WBP2NL: variants seen among roughly 807,000 people sequenced by gnomAD.
The protein encoded by WBP2NL is postacrosomal sheath WW domain-binding protein.
In WBP2NL, 27 loss-of-function variants were observed where a neutral mutation model predicts 23.3. The ratio of observed to expected loss-of-function variants is 1.16; its 90% CI spans 0.85 to 1.60. WBP2NL has a LOEUF of 1.60. WBP2NL is among the 40% of genes most tolerant of loss of function. WBP2NL has a pLI of 0.00. For missense variants in WBP2NL, 370 were observed against 389.5 expected (o/e 0.95, Z 0.42); for synonymous variants, 151 against 145.9 (o/e 1.03, Z -0.25).
intron 4 of WBP2NL, among the ~76,000 whole-genome samples, chr22:42,020,882 A>G (rs1189840242): frequency 2.8e-4 from 8 of 28,324 alleles, no homozygotes; most frequent in African/African-American, 4.1e-4. Flanking sequence ...ATATATATAT[A>G]TATATATATA....
Position 42,008,088 on chromosome 22 carries a change from CTTCCT to C in WBP2NL, c.62+9236_62+9240del, listed in dbSNP as rs572686268. Among the ~76,000 whole-genome samples, 591 of 123,836 alleles carry C rather than the reference CTTCCT, an allele frequency of 4.8e-3. 3 individuals carry two copies. Among genetic ancestry groups the C allele is most frequent in the South Asian group, 7.7e-3 (28 of 3,616 alleles). The allele number at this position is 123,836 out of a possible 152,430, so 81.2% of individuals were successfully genotyped here. Reference sequence around the variant, plus strand: ...TGTTTTTCTTCTCTTCTCTTCTCCTCTTCCTTTCCTTTCCTTTCCTTTCCTTTCCT... The same window carrying C: ...TGTTTTTCTTCTCTTCTCTTCTCCTCTTCCTTTCCTTTCCTTTCCTTTCCT... On this transcript the variant is annotated intron_variant, in intron 1 of 5. Coordinates refer to ENST00000328823, the MANE Select transcript of WBP2NL (RefSeq NM_152613.3).
chr22:42,053,224 T>C, intron 8 of WBP2NL, among the ~76,000 whole-genome samples: 1 of 152,236 alleles, frequency 6.6e-6, no homozygotes, highest in South Asian at 2.1e-4. Context: ...CATTCATCAG[T>C]TGATAGACGT....
At chr22:42,013,027 A>C (rs2146773770) in intron 1 of WBP2NL, among the ~76,000 whole-genome samples, 1 of 150,548 alleles carries the variant, frequency 6.6e-6, no homozygotes, top group African/African-American at 2.4e-5. Context: ...TTTTACTTTT[A>C]GCAGTTTGAA....
rs1921203346 is a variant in WBP2NL, at chr22:41,998,815, C to A, written c.-4C>A. On this transcript the variant is annotated 5_prime_UTR_variant, in exon 1 of 6. Coordinates refer to ENST00000328823, the MANE Select transcript of WBP2NL (RefSeq NM_152613.3). ...CTACGGGGCGGCAGGAGGCCCGAAG[C>A]AAGATGGCGGTGAATCAGAGCCACA... The A allele has an allele frequency of 1.9e-6, 3 of 1,609,266 alleles. No individual in the cohort carries two copies. The African/African-American group carries it at 4.0e-5, about 21-fold the overall frequency.
chr22:42,001,929 A>G, intron 1 of WBP2NL: 16 of 1,448,176 alleles, frequency 1.1e-5, no homozygotes, highest in Non-Finnish European at 1.5e-5. Context: ...TCCACCTGCC[A>G]GGGAGTCCTT....
At chr22:42,032,522 C>T (rs902747433), downstream of WBP2NL, 2 of 251,030 alleles carry the variant, frequency 8.0e-6, no homozygotes, top group Non-Finnish European at 1.7e-5. Flanking sequence ...GTTGACTTGG[C>T]TTTCCTTGCC....
At chr22:42,019,459 C>T (rs1923673697) in intron 2 of WBP2NL, 40 bp downstream of exon 2, 1 of 1,582,270 alleles carries the variant, frequency 6.3e-7, no homozygotes, top group African/African-American at 1.4e-5. Context: ...ATTAACTCTA[C>T]ATTTGTTTTC....
At chr22:42,054,082 G>C (rs1225626219) in intron 8 of WBP2NL, among the ~76,000 whole-genome samples, 4 of 152,098 alleles carry the variant, frequency 2.6e-5, no homozygotes, top group African/African-American at 9.7e-5. Context: ...GTATGCGACT[G>C]TGCGGGGCCT....
chr22:42,053,603 G>A (rs1218758551), intron 8 of WBP2NL, among the ~76,000 whole-genome samples: 5 of 151,972 alleles, frequency 3.3e-5, no homozygotes, highest in Non-Finnish European at 5.9e-5. Flanking sequence ...GGGACTACAG[G>A]TGCATGCCAC....
At chr22:42,014,978 GT>G (rs1355088251) in intron 1 of WBP2NL, among the ~76,000 whole-genome samples, 1 of 152,158 alleles carries the variant, frequency 6.6e-6, no homozygotes, top group African/African-American at 2.4e-5. Flanking sequence ...CTCAGGGACA[GT>G]TTTTATTAAT....
intron 1 of WBP2NL, among the ~76,000 whole-genome samples, chr22:42,013,279 G>A (rs983333431): frequency 8.7e-5 from 13 of 149,638 alleles, no homozygotes; most frequent in African/African-American, 1.2e-4. Context: ...CAAGCTACTC[G>A]GGAGGCTGAG....
Position 42,026,887 on chromosome 22 carries a change from C to A in WBP2NL, c.636C>A (p.Ala212=). ...AAGGCCCGCCTGTGGGATACAGAGC[C>A]TCACCTGTGCGATATGGAGCCCCAC... The part of the protein sequence containing the change: ...GNEGPPVGYR[A]SPVRYGAPPL... Residue 212 remains alanine (A), a synonymous_variant, in exon 6 of 6, where the codon GCC becomes GCA. Transcript: ENST00000328823. The A allele has an allele frequency of 6.2e-7, 1 of 1,613,096 alleles. No individual in the cohort carries two copies. The highest frequency in any genetic ancestry group is 1.1e-5 in the South Asian group (1 of 91,020).
chr22:42,033,789 C>T (rs989254367), downstream of WBP2NL, among the ~76,000 whole-genome samples: 1 of 152,212 alleles, frequency 6.6e-6, no homozygotes, highest in Non-Finnish European at 1.5e-5. Context: ...CCAACATCTG[C>T]TTAGCTCTGG....
In WBP2NL at chr22:42,055,421, C is replaced by T. The variant is rs571420195; in HGVS notation, c.*274-2869C>T. On this transcript the variant is annotated intron_variant and NMD_transcript_variant, in intron 8 of 8. Transcript: ENST00000436265. ...AACTCCCGACCTCAGGTGATCTGCC[C>T]GACTTGGCCTCCCAAAGTGCTGGGA... 3.9e-5 allele frequency among the ~76,000 whole-genome samples: 6 copies of T among 152,292 alleles called. No homozygotes were observed. The South Asian group carries it at 8.3e-4, about 21-fold the overall frequency.
At chr22:42,005,510 C>T (rs9611700) in intron 1 of WBP2NL, among the ~76,000 whole-genome samples, 44,276 of 151,952 alleles carry the variant, frequency 0.29, 6,945 homozygotes, top group Admixed American at 0.37. Flanking sequence ...CTGAGTGAGA[C>T]TCTGTCTCAA....
chr22:42,038,917 C>A (rs1398194481), intron 8 of WBP2NL, among the ~76,000 whole-genome samples: 1 of 148,138 alleles, frequency 6.8e-6, no homozygotes, highest in Admixed American at 6.7e-5. Flanking sequence ...TTTTTTTTTT[C>A]TTTTTCGAGA....
intron 8 of WBP2NL, among the ~76,000 whole-genome samples, chr22:42,040,738 G>A (rs749288094): frequency 5.9e-5 from 9 of 152,128 alleles, no homozygotes; most frequent in East Asian, 1.9e-4. Context: ...TTATGTTACC[G>A]ATTTCTAGTT....
chr22:42,001,206 T>C (rs1157251038), intron 1 of WBP2NL: 4 of 739,078 alleles, frequency 5.4e-6, no homozygotes, highest in Non-Finnish European at 9.9e-6. Flanking sequence ...CAGTCAAATG[T>C]GCCTGTGTAC....
downstream of WBP2NL, chr22:42,030,069 AAATAT>A (rs1924838725): frequency 1.3e-5 from 2 of 152,246 alleles, no homozygotes; most frequent in African/African-American, 4.8e-5. Context: ...TAACTGGGTT[AAATAT>A]AATTGAAAAA....
Sources: gnomAD v4.1 joint callset for allele counts (sites outside exome capture counted in the v4.1 genomes callset) on GRCh38, gnomAD v4.1.1 for gene constraint, MANE v1.5 for transcripts, NCBI Gene and HGNC (gene_info 2026-07-23, HGNC 2026-07-21) for gene names.